Variants in TMEM232 observed in about 807,000 individuals in gnomAD.
TMEM232 encodes the protein transmembrane protein 232.
In TMEM232, 80 loss-of-function variants were observed where a neutral mutation model predicts 78.8. The observed-to-expected ratio is 1.01, with a 90% confidence interval of 0.85 to 1.22. The LOEUF is 1.22. Among genes scored for constraint, TMEM232 ranks in the 50% most tolerant of loss-of-function variants. The pLI, the probability that TMEM232 is intolerant of heterozygous loss-of-function variation, is 0.00. For missense variants in TMEM232, 881 were observed against 742.2 expected (o/e 1.19, Z -2.17); for synonymous variants, 297 against 254.3 (o/e 1.17, Z -1.60).
intron 2 of TMEM232, among the ~76,000 whole-genome samples, chr5:110,401,458 G>A (rs1212822501): frequency 1.3e-5 from 2 of 151,956 alleles, no homozygotes; most frequent in Non-Finnish European, 2.9e-5. Context: ...ACCCTCCTGA[G>A]CTACTGGCAA....
chr5:110,570,917 C>G (rs1776868533), intron 10 of TMEM232, among the ~76,000 whole-genome samples: 1 of 151,940 alleles, frequency 6.6e-6, no homozygotes, highest in African/African-American at 2.4e-5. Flanking sequence ...TTTAATCCCA[C>G]CCCCTCTTGC....
chr5:110,526,223 T>C (rs759562347), intron 12 of TMEM232, among the ~76,000 whole-genome samples: 13 of 151,184 alleles, frequency 8.6e-5, no homozygotes, highest in African/African-American at 2.9e-4. Flanking sequence ...AAATACATTC[T>C]ATTACAAAGA....
intron 1 of TMEM232, among the ~76,000 whole-genome samples, chr5:110,713,882 T>C (rs1195521971): frequency 6.6e-6 from 1 of 152,154 alleles, no homozygotes; most frequent in Non-Finnish European, 1.5e-5. Context: ...GGAACAGTCT[T>C]GATGGGAAAA....
Position 110,475,663 on chromosome 5 carries a change from C to G in TMEM232, c.1704-50747G>C, listed in dbSNP as rs78806803. Among the ~76,000 whole-genome samples, 432 of 151,698 alleles carry G rather than the reference C, an allele frequency of 2.8e-3. 3 individuals are homozygous for G. Among genetic ancestry groups the G allele is most frequent in the African/African-American group, 1.0e-2 (413 of 41,378 alleles). On this transcript the variant is annotated intron_variant, in intron 12 of 13. Transcript: ENST00000455884. The stretch of plus-strand genomic sequence containing the variant: ...GATAGAGCTATAAGTACAAGGAGGC[C>G]AAAGTGGCTAGTTTGTTTGCAAGGT...
intron 11 of TMEM232, among the ~76,000 whole-genome samples, chr5:110,546,319 T>C (rs568755041): frequency 6.6e-6 from 1 of 152,118 alleles, no homozygotes; most frequent in Non-Finnish European, 1.5e-5. Context: ...ACCACTGTTG[T>C]AGATAAATCG....
Position 110,530,782 on chromosome 5 carries a change from C to A in TMEM232, c.1456-1947G>T, listed in dbSNP as rs536061554. Reference sequence around the variant, plus strand: ...CAGTTAGAAGAAATAAATTCAAGAGCTCTAATGTACAACATGGTGACTGTA... The same window carrying A: ...CAGTTAGAAGAAATAAATTCAAGAGATCTAATGTACAACATGGTGACTGTA... On this transcript the variant is annotated intron_variant, in intron 11 of 13. Transcript: ENST00000455884. 1.0e-3 allele frequency among the ~76,000 whole-genome samples: 155 copies of A among 152,222 alleles called. 1 individual carries two copies. The highest frequency in any genetic ancestry group is 1.7e-3 in the Non-Finnish European group (114 of 68,018).
At chr5:110,655,650 C>T (rs909346971) in intron 2 of TMEM232, among the ~76,000 whole-genome samples, 2 of 149,892 alleles carry the variant, frequency 1.3e-5, no homozygotes, top group African/African-American at 4.9e-5. Flanking sequence ...AGACTTGGAA[C>T]CAACCCAAAT....
chr5:110,615,609 C>T (rs542917415), intron 8 of TMEM232, among the ~76,000 whole-genome samples: 4 of 151,682 alleles, frequency 2.6e-5, no homozygotes, highest in African/African-American at 9.7e-5. Flanking sequence ...TTTTATGTAA[C>T]ATAATACTAA....
intron 7 of TMEM232, among the ~76,000 whole-genome samples, chr5:110,623,719 T>C (rs1361081242): frequency 6.6e-6 from 1 of 152,140 alleles, no homozygotes; most frequent in Non-Finnish European, 1.5e-5. Context: ...GTGGCTATGC[T>C]ATCCTATATT....
Position 110,605,120 on chromosome 5 carries a change from AT to A in TMEM232, c.1264del (p.Met422CysfsTer8), listed in dbSNP as rs1337791215. 12 of 1,542,078 alleles carry A rather than the reference AT, an allele frequency of 7.8e-6. No homozygotes were observed. In the African/African-American group the frequency reaches 1.4e-4, roughly 18 times the overall value. ...LSLLEYFSSKMSENCDQVVWT... is the reference protein window; with the variant it reads ...LSLLEYFSSKXSENCDQVVWT... ...AACAATCTACTTACAGTTCTCTGAC[AT>A]TTTTGAAGAGAAATATTCCAAAAGA... On this transcript the variant is annotated frameshift_variant, in exon 10 of 14. Coordinates refer to ENST00000455884, the MANE Select transcript of TMEM232 (RefSeq NM_001039763.4). LOFTEE classifies it high-confidence loss of function.
rs116618671 is a variant in TMEM232, at chr5:110,630,490, C to T, written c.502-2610G>A. Among the ~76,000 whole-genome samples the T allele has an allele frequency of 7.5e-3, 1,138 of 152,248 alleles. 14 individuals carry two copies. The highest frequency in any genetic ancestry group is 0.025 in the African/African-American group (1,054 of 41,552). Reference sequence around the variant, plus strand: ...GGCCCAGTGAGAGGTGACTGGATCACGGAGGTGGACTTCTCCCTTGCACTT... The same window carrying T: ...GGCCCAGTGAGAGGTGACTGGATCATGGAGGTGGACTTCTCCCTTGCACTT... On this transcript the variant is annotated intron_variant, in intron 5 of 13. Transcript: ENST00000455884.
intron 2 of TMEM232, among the ~76,000 whole-genome samples, chr5:110,406,718 C>T (rs981694859): frequency 2.0e-5 from 3 of 151,916 alleles, no homozygotes; most frequent in African/African-American, 7.3e-5. Flanking sequence ...GTGTATAATC[C>T]ACCCATAACT....
At chr5:110,662,502 T>C (rs1789940151) in intron 2 of TMEM232, among the ~76,000 whole-genome samples, 1 of 152,162 alleles carries the variant, frequency 6.6e-6, no homozygotes, top group Non-Finnish European at 1.5e-5. Context: ...ACATAAATTA[T>C]GACAAGCTGG....
chr5:110,485,346 G>A (rs1764346682), intron 12 of TMEM232, among the ~76,000 whole-genome samples: 1 of 152,030 alleles, frequency 6.6e-6, no homozygotes. Flanking sequence ...GTGTACAGGT[G>A]GTATTTGGTT....
chr5:110,722,050 ATT>A (rs1797702637), intron 1 of TMEM232, among the ~76,000 whole-genome samples: 1 of 152,090 alleles, frequency 6.6e-6, no homozygotes, highest in Admixed American at 6.6e-5. Flanking sequence ...CACATAAAAC[ATT>A]GTCAGGGGTT....
At chr5:110,726,234 A>G (rs949781487) in intron 1 of TMEM232, among the ~76,000 whole-genome samples, 2 of 152,110 alleles carry the variant, frequency 1.3e-5, no homozygotes, top group East Asian at 1.9e-4. Flanking sequence ...GTGCAATTTC[A>G]CCAACCACAG....
chr5:110,473,059 C>CA lies in TMEM232; in HGVS notation c.1704-48144dup, dbSNP rs111965771. 3.4e-3 allele frequency among the ~76,000 whole-genome samples: 395 copies of CA among 117,218 alleles called. 2 individuals carry two copies. Among genetic ancestry groups the CA allele is most frequent in the Middle Eastern group, 0.017 (4 of 230 alleles). The allele number at this position is 117,218 out of a possible 152,430, so 76.9% of individuals were successfully genotyped here. A position where few individuals can be genotyped will look rare whatever the true frequency, so the allele number is the denominator to read the frequency against. On this transcript the variant is annotated intron_variant, in intron 12 of 13. Transcript: ENST00000455884. ...ACCTAAAAAGCACAGGCAACAAATG[C>CA]AAAAAAAAAAAAGGACAAATAAGAT...
At chr5:110,606,093 A>G (rs542817529) in intron 9 of TMEM232, 71 bp downstream of exon 9, 35 of 1,449,840 alleles carry the variant, frequency 2.4e-5, no homozygotes, top group Non-Finnish European at 3.2e-5. Context: ...ACGATATACA[A>G]TTTAAATAGT....
intron 12 of TMEM232, among the ~76,000 whole-genome samples, chr5:110,484,285 G>GT (rs1764225950): frequency 6.6e-6 from 1 of 151,922 alleles, no homozygotes. Context: ...ACCTGCACAC[G>GT]TAGCCCCTGA....
Sources: gnomAD v4.1 joint callset for allele counts (sites outside exome capture counted in the v4.1 genomes callset) on GRCh38, gnomAD v4.1.1 for gene constraint, MANE v1.5 for transcripts, NCBI Gene and HGNC (gene_info 2026-07-23, HGNC 2026-07-21) for gene names.